F2R: variants seen among roughly 807,000 people sequenced by gnomAD.
The protein encoded by F2R is proteinase-activated receptor 1.
In F2R, 12 loss-of-function variants were observed where a neutral mutation model predicts 18.3. The ratio of observed to expected loss-of-function variants is 0.66; its 90% CI spans 0.42 to 1.06. F2R has a LOEUF of 1.06. Ranked by LOEUF, F2R falls within the 50% of genes least tolerant of loss-of-function variation. F2R has a pLI of 0.00. For synonymous variants in F2R, 210 were observed against 219.9 expected, an observed-to-expected ratio of 0.95 and a Z score of 0.40; for missense variants, 438 against 530.8, an observed-to-expected ratio of 0.83 and a Z score of 1.72.
At chr5:76,723,924 A>G (rs1410946210) in intron 1 of F2R, among the ~76,000 whole-genome samples, 1 of 152,236 alleles carries the variant, frequency 6.6e-6, no homozygotes, top group African/African-American at 2.4e-5. Flanking sequence ...TCCCAACTGT[A>G]TAATTTTAAA....
chr5:76,719,018 C>T (rs930652069), intron 1 of F2R, among the ~76,000 whole-genome samples: 2 of 152,166 alleles, frequency 1.3e-5, no homozygotes, highest in Non-Finnish European at 2.9e-5. Context: ...GCCCCATCCT[C>T]TAGATCCTCC....
chr5:76,716,580 C>G (rs997112872), intron 1 of F2R, 185 bp downstream of exon 1: 3 of 686,434 alleles, frequency 4.4e-6, no homozygotes, highest in Middle Eastern at 2.4e-4. Context: ...CCTTCGCGGG[C>G]CCAGCCGATG....
rs2227773 is a variant in F2R at position 76,722,807 on chromosome 5, C to T, written c.88+6412C>T. ...CTCTACTAAAAATACAAAAATTAGC[C>T]GGGCATGGTGGTGCACAACTGTCAT... is the stretch of plus-strand genomic sequence containing the variant. On this transcript the variant is annotated intron_variant, in intron 1 of 1. Transcript: ENST00000319211. Among the ~76,000 whole-genome samples the T allele has an allele frequency of 4.3e-3, 654 of 152,106 alleles. 8 individuals carry two copies. Among genetic ancestry groups the T allele is most frequent in the African/African-American group, 0.015 (612 of 41,514 alleles).
In F2R at chr5:76,734,930, G is replaced by A. The variant is rs944565848; in HGVS notation, c.*1427G>A. 1 of 152,304 alleles carries A rather than the reference G, an allele frequency of 6.6e-6. No individual in the cohort carries two copies. The highest frequency in any genetic ancestry group is 2.4e-5 in the African/African-American group (1 of 41,452). 9.4% of individuals were successfully genotyped at this position (152,304 alleles called of 1,614,324 possible). On this transcript the variant is annotated 3_prime_UTR_variant, in exon 2 of 2. Transcript: ENST00000319211. ...AGGTTTTCTTTTAAGAATCAATCAT[G>A]TCAGTCTGCTTAGAAATAACAGAAG...
chr5:76,719,726 G>T (rs1377659411), intron 1 of F2R, among the ~76,000 whole-genome samples: 1 of 152,190 alleles, frequency 6.6e-6, no homozygotes, highest in Non-Finnish European at 1.5e-5. Flanking sequence ...ACCCCACTGT[G>T]CTCCCTAGTA....
intron 1 of F2R, 79 bp from the exon 2 acceptor site, chr5:76,732,235 T>C (rs1748680551): frequency 1.8e-6 from 2 of 1,124,454 alleles, no homozygotes; most frequent in Non-Finnish European, 2.5e-6. Flanking sequence ...AAAAGTAAAA[T>C]ATGCTCTCTG....
intron 1 of F2R, among the ~76,000 whole-genome samples, chr5:76,717,154 G>A (rs1299362881): frequency 4.6e-5 from 7 of 152,164 alleles, no homozygotes; most frequent in African/African-American, 1.7e-4. Context: ...ACTGCAAGAA[G>A]GTTGCTCCCC....
intron 1 of F2R, among the ~76,000 whole-genome samples, chr5:76,717,218 A>G (rs374449878): frequency 1.6e-4 from 25 of 152,358 alleles, no homozygotes; most frequent in African/African-American, 5.5e-4. Context: ...CACTTGACCA[A>G]ATAAATAAAT....
intron 1 of F2R, among the ~76,000 whole-genome samples, chr5:76,729,460 T>C (rs1561630181): frequency 6.6e-6 from 1 of 152,236 alleles, no homozygotes; most frequent in East Asian, 1.9e-4. Flanking sequence ...ATAAATTTTC[T>C]CTTCACTGTT....
chr5:76,723,323 G>T (rs1167809196), intron 1 of F2R, among the ~76,000 whole-genome samples: 1 of 152,212 alleles, frequency 6.6e-6, no homozygotes, highest in African/African-American at 2.4e-5. Context: ...TGAATCACAA[G>T]TTTTTAAGGA....
At chr5:76,730,440 A>G (rs556987882) in intron 1 of F2R, among the ~76,000 whole-genome samples, 14 of 152,300 alleles carry the variant, frequency 9.2e-5, no homozygotes, top group Admixed American at 3.3e-4. Flanking sequence ...CTTTTATGTT[A>G]TATAGGCACT....
chr5:76,719,807 T>C (rs956092809), intron 1 of F2R, among the ~76,000 whole-genome samples: 2 of 152,238 alleles, frequency 1.3e-5, no homozygotes, highest in Non-Finnish European at 2.9e-5. Flanking sequence ...ATCGCCTTGG[T>C]AGCTCAGGCC....
intron 1 of F2R, among the ~76,000 whole-genome samples, chr5:76,730,726 G>C (rs746593250): frequency 6.6e-6 from 1 of 152,088 alleles, no homozygotes; most frequent in Non-Finnish European, 1.5e-5. Flanking sequence ...GTTTCACAAC[G>C]CTGCCTTCCA....
At chr5:76,723,765 ATTTG>A (rs1286835674) in intron 1 of F2R, among the ~76,000 whole-genome samples, 1 of 152,152 alleles carries the variant, frequency 6.6e-6, no homozygotes, top group Non-Finnish European at 1.5e-5. Context: ...TGCATACAGT[ATTTG>A]TTTGTTTTTT....
At chr5:76,731,224 A>C (rs1286586481) in intron 1 of F2R, among the ~76,000 whole-genome samples, 1 of 152,220 alleles carries the variant, frequency 6.6e-6, no homozygotes, top group African/African-American at 2.4e-5. Context: ...TGTGTAAGCA[A>C]ACTAAAGACT....
Position 76,735,629 on chromosome 5 carries a change from G to A in F2R, c.*2126G>A, listed in dbSNP as rs901548013. On this transcript the variant is annotated 3_prime_UTR_variant, in exon 2 of 2. Transcript: ENST00000319211. Reference sequence around the variant, plus strand: ...GACTATTCATTTTATCTAAATCAGTGAAGATTTACTGTCATTGTTTATTAG... The same window carrying A: ...GACTATTCATTTTATCTAAATCAGTAAAGATTTACTGTCATTGTTTATTAG... 1 of 152,076 alleles carries A rather than the reference G, an allele frequency of 6.6e-6. No individual in the cohort carries two copies. The highest frequency in any genetic ancestry group is 1.5e-5 in the Non-Finnish European group (1 of 68,026). 9.4% of individuals were successfully genotyped at this position (152,076 alleles called of 1,614,324 possible).
chr5:76,720,527 A>C (rs1403014734), intron 1 of F2R, among the ~76,000 whole-genome samples: 1 of 152,108 alleles, frequency 6.6e-6, no homozygotes. Flanking sequence ...AATTCACATA[A>C]CATAAAATTA....
chr5:76,721,138 C>T (rs1748446260), intron 1 of F2R, among the ~76,000 whole-genome samples: 1 of 152,120 alleles, frequency 6.6e-6, no homozygotes, highest in Non-Finnish European at 1.5e-5. Flanking sequence ...CCTAGGCTCC[C>T]CTTCCATTGC....
rs1748743749 is a variant in F2R at position 76,734,408 on chromosome 5, C to G, written c.*905C>G. ...ACTGGGGCCACTACATTTGCTCCAT[C>G]CTCCTGGGATTGGCTGTGAACTGAT... On this transcript the variant is annotated 3_prime_UTR_variant, in exon 2 of 2. Transcript: ENST00000319211. The G allele has an allele frequency of 6.6e-6, 1 of 152,482 alleles. No homozygotes were observed. Among genetic ancestry groups the G allele is most frequent in the East Asian group, 1.9e-4 (1 of 5,318 alleles). 9.4% of individuals were successfully genotyped at this position (152,482 alleles called of 1,614,324 possible). A position where few individuals can be genotyped will look rare whatever the true frequency, so the allele number is the denominator to read the frequency against.
Sources: allele counts gnomAD v4.1 joint callset (sites outside exome capture counted in the v4.1 genomes callset), GRCh38; gene constraint gnomAD v4.1.1; transcripts MANE v1.5; gene names NCBI Gene and HGNC (gene_info 2026-07-23, HGNC 2026-07-21).